Variants in GRID2 observed in about 807,000 individuals in gnomAD.
GRID2 encodes the protein glutamate ionotropic receptor delta type subunit 2.
In GRID2, 33 loss-of-function variants were observed where a neutral mutation model predicts 114.8. The ratio of observed to expected loss-of-function variants is 0.29; its 90% CI spans 0.22 to 0.38. The LOEUF (loss-of-function observed/expected upper bound fraction) is 0.38. Among genes scored for constraint, GRID2 ranks in the 10% least tolerant of loss-of-function variants. The pLI is 1.00. For synonymous variants in GRID2, 505 were observed against 449.9 expected, an observed-to-expected ratio of 1.12 and a Z score of -1.55; for missense variants, 1,184 against 1,257.7, an observed-to-expected ratio of 0.94 and a Z score of 0.89.
chr4:93,542,934 G>A (rs1156842412), intron 13 of GRID2, among the ~76,000 whole-genome samples: 3 of 151,980 alleles, frequency 2.0e-5, no homozygotes, highest in Admixed American at 2.0e-4. Flanking sequence ...GGTCATATAT[G>A]AGCTTACAGG....
chr4:92,330,094 G>A (rs1016852465), intron 1 of GRID2, among the ~76,000 whole-genome samples: 13 of 151,996 alleles, frequency 8.6e-5, no homozygotes, highest in Admixed American at 1.3e-4. Context: ...AGGCAAAGGT[G>A]AGTAAGGTAG....
intron 2 of GRID2, among the ~76,000 whole-genome samples, chr4:92,942,398 CT>C (rs1344597965): frequency 4.6e-5 from 7 of 151,956 alleles, no homozygotes; most frequent in Non-Finnish European, 1.0e-4. Context: ...CAACTCCTGC[CT>C]TTTTTTGTTT....
chr4:93,475,018 C>T (rs555613219), intron 11 of GRID2, among the ~76,000 whole-genome samples: 2 of 152,098 alleles, frequency 1.3e-5, no homozygotes, highest in Admixed American at 1.3e-4. Context: ...GCAACTTCAC[C>T]CTGATCCCCT....
intron 10 of GRID2, among the ~76,000 whole-genome samples, chr4:93,423,501 C>A (rs1005403056): frequency 2.6e-5 from 4 of 151,662 alleles, no homozygotes; most frequent in East Asian, 3.9e-4. Context: ...CGCCCGCCCC[C>A]ACGCCCAGCT....
intron 2 of GRID2, among the ~76,000 whole-genome samples, chr4:92,942,264 G>A (rs1751211472): frequency 7.4e-6 from 1 of 134,546 alleles, no homozygotes; most frequent in African/African-American, 2.5e-5. Context: ...TGTATTGGGT[G>A]CATATATATT....
At chr4:93,118,005 CTA>C (rs1733439440) in intron 4 of GRID2, among the ~76,000 whole-genome samples, 1 of 152,114 alleles carries the variant, frequency 6.6e-6, no homozygotes, top group Admixed American at 6.6e-5. Context: ...CAAGAATCCT[CTA>C]TGTTCCCATA....
intron 1 of GRID2, among the ~76,000 whole-genome samples, chr4:92,340,690 A>G (rs1579205928): frequency 6.6e-6 from 1 of 152,222 alleles, no homozygotes; most frequent in East Asian, 1.9e-4. Flanking sequence ...ACGCTTGCAT[A>G]GCACTCTGCA....
chr4:93,722,337 G>C (rs773857927), intron 14 of GRID2, among the ~76,000 whole-genome samples: 4 of 152,108 alleles, frequency 2.6e-5, no homozygotes, highest in African/African-American at 9.7e-5. Flanking sequence ...ACAGATGAGA[G>C]AATCAAGGAA....
Position 92,642,861 on chromosome 4 carries a change from C to A in GRID2, c.244+52575C>A, listed in dbSNP as rs530459361. Among the ~76,000 whole-genome samples, 5 of 151,734 alleles carry A rather than the reference C, an allele frequency of 3.3e-5. No homozygotes were observed. In the South Asian group the frequency reaches 1.0e-3, roughly 31 times the overall value. On this transcript the variant is annotated intron_variant, in intron 2 of 15. Transcript: ENST00000282020. ...ATGGTAAAATTTAAGGGTCCACTTT[C>A]ATTCTTCTGCATGCTTGTTTATCTC...
intron 4 of GRID2, among the ~76,000 whole-genome samples, chr4:93,146,112 A>G (rs1401270046): frequency 1.3e-5 from 2 of 152,204 alleles, no homozygotes. Flanking sequence ...GAATAGTATG[A>G]ATTATGTAGA....
chr4:92,308,373 A>G (rs1725522212), intron 1 of GRID2, among the ~76,000 whole-genome samples: 1 of 152,170 alleles, frequency 6.6e-6, no homozygotes, highest in Non-Finnish European at 1.5e-5. Flanking sequence ...GTACTTATTC[A>G]TATATTATAC....
chr4:93,490,145 C>G (rs79006341), intron 11 of GRID2, among the ~76,000 whole-genome samples: 1 of 151,838 alleles, frequency 6.6e-6, no homozygotes, highest in African/African-American at 2.4e-5. Flanking sequence ...TAGAACAAAG[C>G]AAGTATGTGA....
chr4:93,476,966 G>C (rs1352620810), intron 11 of GRID2, among the ~76,000 whole-genome samples: 2 of 152,116 alleles, frequency 1.3e-5, no homozygotes, highest in Non-Finnish European at 2.9e-5. Context: ...CAGACTGGCT[G>C]TCTTAATCCA....
intron 10 of GRID2, among the ~76,000 whole-genome samples, chr4:93,440,526 CAT>C (rs1392034449): frequency 6.6e-6 from 1 of 152,146 alleles, no homozygotes; most frequent in East Asian, 1.9e-4. Flanking sequence ...CATAAGAATA[CAT>C]GTTTGCACGT....
At chr4:93,612,878 G>T (rs1299980141) in intron 13 of GRID2, among the ~76,000 whole-genome samples, 3 of 143,706 alleles carry the variant, frequency 2.1e-5, no homozygotes, top group Admixed American at 7.0e-5. Flanking sequence ...GATTGGGGAA[G>T]TTCTCCAGGA....
intron 2 of GRID2, among the ~76,000 whole-genome samples, chr4:92,762,621 C>G (rs1738074259): frequency 6.6e-6 from 1 of 152,110 alleles, no homozygotes; most frequent in African/African-American, 2.4e-5. Flanking sequence ...TAGTGATGCC[C>G]CACTTGTTCG....
At chr4:93,310,477 A>G (rs1755897995) in intron 8 of GRID2, among the ~76,000 whole-genome samples, 1 of 152,080 alleles carries the variant, frequency 6.6e-6, no homozygotes, top group African/African-American at 2.4e-5. Context: ...GTTGCAGTGA[A>G]CTAAGATTGT....
chr4:93,205,341 T>C (rs545123380), intron 4 of GRID2, among the ~76,000 whole-genome samples: 1 of 152,280 alleles, frequency 6.6e-6, no homozygotes, highest in African/African-American at 2.4e-5. Context: ...TGGAGTGTGA[T>C]GGTCCCCTTC....
At chr4:93,521,275 A>G (rs1302436306) in intron 13 of GRID2, among the ~76,000 whole-genome samples, 2 of 152,150 alleles carry the variant, frequency 1.3e-5, no homozygotes, top group East Asian at 3.9e-4. Flanking sequence ...GGCAAAGTTT[A>G]TATTTAAGGC....
Sources: gnomAD v4.1 joint callset for allele counts (sites outside exome capture counted in the v4.1 genomes callset) on GRCh38, gnomAD v4.1.1 for gene constraint, MANE v1.5 for transcripts, NCBI Gene and HGNC (gene_info 2026-07-23, HGNC 2026-07-21) for gene names.